Variants in CTNNA2 observed in about 807,000 individuals in gnomAD.
The protein encoded by CTNNA2 is catenin alpha 2.
A neutral mutation model predicts 101.0 loss-of-function variants in CTNNA2; 42 were observed. That is an observed-to-expected ratio of 0.42 (90% CI 0.32 to 0.54). The LOEUF (loss-of-function observed/expected upper bound fraction) is 0.54, where lower values mean the gene tolerates loss of function less well. Ranked by LOEUF, CTNNA2 falls within the 20% of genes least tolerant of loss-of-function variation. The pLI is 0.14. For synonymous variants in CTNNA2, 450 were observed against 456.4 expected (o/e 0.99, Z 0.18); for missense variants, 871 against 1,223.1 (o/e 0.71, Z 4.29).
chr2:79,531,811 T>A (rs567957434), intron 1 of CTNNA2, among the ~76,000 whole-genome samples: 2 of 152,020 alleles, frequency 1.3e-5, no homozygotes, highest in South Asian at 4.2e-4. Flanking sequence ...GTTCCTGAGT[T>A]GCTGGGATTA....
At chr2:80,310,340 A>T (rs922043331) in intron 7 of CTNNA2, among the ~76,000 whole-genome samples, 1 of 152,236 alleles carries the variant, frequency 6.6e-6, no homozygotes, top group African/African-American at 2.4e-5. Flanking sequence ...TGTAATTGGT[A>T]CAGCAGGCAG....
chr2:79,295,266 C>A (rs1449971317), intron 2 of CTNNA2, among the ~76,000 whole-genome samples: 2 of 152,126 alleles, frequency 1.3e-5, no homozygotes, highest in Non-Finnish European at 2.9e-5. Flanking sequence ...TGAGAAGAAA[C>A]CCTGCCATGT....
At chr2:80,306,400 T>TTTTCTTTTCC (rs1491389570) in intron 7 of CTNNA2, among the ~76,000 whole-genome samples, 3 of 109,200 alleles carry the variant, frequency 2.7e-5, no homozygotes, top group East Asian at 2.7e-4. Context: ...TTTTCTTTTC[T>TTTTCTTTTCC]TTTCTTTCTT....
chr2:79,699,849 A>G (rs1314812582), intron 2 of CTNNA2, among the ~76,000 whole-genome samples: 4 of 148,004 alleles, frequency 2.7e-5, no homozygotes, highest in African/African-American at 9.8e-5. Flanking sequence ...GTATATATAT[A>G]TGTATTTATA....
intron 7 of CTNNA2, among the ~76,000 whole-genome samples, chr2:79,916,268 A>C (rs1686195632): frequency 6.6e-6 from 1 of 152,114 alleles, no homozygotes; most frequent in Non-Finnish European, 1.5e-5. Context: ...TTCTAACGCA[A>C]AATTAAGAGC....
At chr2:80,120,077 T>C (rs1041072451) in intron 7 of CTNNA2, among the ~76,000 whole-genome samples, 10 of 152,194 alleles carry the variant, frequency 6.6e-5, no homozygotes, top group African/African-American at 2.2e-4. Flanking sequence ...AGGAACTTTT[T>C]AAATTTTCCT....
chr2:79,778,313 C>G (rs1674145310), intron 3 of CTNNA2, among the ~76,000 whole-genome samples: 1 of 151,936 alleles, frequency 6.6e-6, no homozygotes, highest in Non-Finnish European at 1.5e-5. Flanking sequence ...TCACTGCACT[C>G]CAGCTTGGGC....
At chr2:80,409,131 G>A (rs1679325572) in intron 8 of CTNNA2, among the ~76,000 whole-genome samples, 1 of 152,100 alleles carries the variant, frequency 6.6e-6, no homozygotes, top group Admixed American at 6.6e-5. Flanking sequence ...TCAGCGATCT[G>A]AGCAAGGTAG....
Position 80,204,296 on chromosome 2 carries a change from TG to T in CTNNA2, c.1057-188914del, listed in dbSNP as rs371715673. Among the ~76,000 whole-genome samples the T allele has an allele frequency of 6.9e-3, 1,053 of 152,350 alleles. 12 individuals carry two copies. The highest frequency in any genetic ancestry group is 0.024 in the African/African-American group (998 of 41,572). Reference sequence around the variant, plus strand: ...AATGGGATTTTCTTTTCTATTGCGTTGTCAGGCTGCAAACTTCCCAAACGTT... The same window carrying T: ...AATGGGATTTTCTTTTCTATTGCGTTTCAGGCTGCAAACTTCCCAAACGTT... On this transcript the variant is annotated intron_variant, in intron 7 of 18. Coordinates refer to ENST00000402739, the MANE Select transcript of CTNNA2 (RefSeq NM_001282597.3).
intron 1 of CTNNA2, among the ~76,000 whole-genome samples, chr2:79,605,184 A>G (rs1677803445): frequency 6.6e-6 from 1 of 152,202 alleles, no homozygotes; most frequent in Non-Finnish European, 1.5e-5. Flanking sequence ...ATTCCTAGAG[A>G]TGGAAACTAC....
chr2:79,985,511 G>A (rs7601765), intron 7 of CTNNA2, among the ~76,000 whole-genome samples: 4,920 of 152,178 alleles, frequency 0.032, 249 homozygotes, highest in African/African-American at 0.11. Flanking sequence ...CACACAGTAC[G>A]TGCTCAATAA....
chr2:79,419,515 C>T (rs1678517450), intron 4 of CTNNA2, among the ~76,000 whole-genome samples: 1 of 151,978 alleles, frequency 6.6e-6, no homozygotes, highest in Non-Finnish European at 1.5e-5. Context: ...TAGGGAAACT[C>T]TGTATTTTCC....
At chr2:80,603,773 T>A in intron 15 of CTNNA2, 1 of 310,340 alleles carries the variant, frequency 3.2e-6, no homozygotes, top group Non-Finnish European at 6.0e-6. Context: ...TGGTACACGG[T>A]AAGCAACTAT....
intron 18 of CTNNA2, among the ~76,000 whole-genome samples, chr2:80,635,910 A>T (rs1204603441): frequency 6.9e-6 from 1 of 145,036 alleles, no homozygotes; most frequent in Non-Finnish European, 1.5e-5. Flanking sequence ...TCCTTGTTTT[A>T]TTGGTTCTAG....
At chr2:79,999,452 C>T (rs1056177656) in intron 7 of CTNNA2, among the ~76,000 whole-genome samples, 1 of 152,186 alleles carries the variant, frequency 6.6e-6, no homozygotes, top group African/African-American at 2.4e-5. Flanking sequence ...GAAACATGTT[C>T]CTTCCACAGT....
chr2:80,561,372 C>T (rs1693576300), intron 12 of CTNNA2, among the ~76,000 whole-genome samples: 1 of 152,168 alleles, frequency 6.6e-6, no homozygotes, highest in African/African-American at 2.4e-5. Flanking sequence ...TTTTATATGA[C>T]TAAAACCTAT....
intron 7 of CTNNA2, among the ~76,000 whole-genome samples, chr2:79,913,343 G>T (rs1685945836): frequency 6.6e-6 from 1 of 152,168 alleles, no homozygotes; most frequent in Admixed American, 6.5e-5. Flanking sequence ...ATGGGTGCCT[G>T]GTGCACCCAC....
intron 7 of CTNNA2, among the ~76,000 whole-genome samples, chr2:80,182,994 C>A (rs1013967519): frequency 6.6e-6 from 1 of 152,176 alleles, no homozygotes; most frequent in Non-Finnish European, 1.5e-5. Flanking sequence ...ATGATCACTT[C>A]GGTTAGGACA....
At chr2:80,550,117 C>G (rs1043108436) in intron 11 of CTNNA2, among the ~76,000 whole-genome samples, 1 of 152,144 alleles carries the variant, frequency 6.6e-6, no homozygotes, top group Non-Finnish European at 1.5e-5. Context: ...CAGTAAAATG[C>G]CAATTGCAAT....
Sources: gnomAD v4.1 joint callset for allele counts (sites outside exome capture counted in the v4.1 genomes callset) on GRCh38, gnomAD v4.1.1 for gene constraint, MANE v1.5 for transcripts, NCBI Gene and HGNC (gene_info 2026-07-23, HGNC 2026-07-21) for gene names.